The following DCUN1D2 variants were observed in gnomAD, a reference collection of about 807,000 sequenced individuals.
The protein encoded by DCUN1D2 is DCN1-like protein 2.
Under a neutral mutation model 30.9 loss-of-function variants are expected in DCUN1D2, and 29 were observed. That is an observed-to-expected ratio of 0.94 (90% CI 0.70 to 1.28). The LOEUF is 1.28. Ranked by LOEUF, DCUN1D2 falls within the 50% of genes most tolerant of loss-of-function variation. The pLI, the probability that DCUN1D2 is intolerant of heterozygous loss-of-function variation, is 0.00. For missense variants in DCUN1D2, 325 were observed against 316.9 expected, an observed-to-expected ratio of 1.03 and a Z score of -0.19; for synonymous variants, 121 against 115.3, an observed-to-expected ratio of 1.05 and a Z score of -0.32.
rs1362416188 is a variant in DCUN1D2 at position 113,490,177 on chromosome 13, C to G, written c.3+490G>C. On this transcript the variant is annotated intron_variant, in intron 1 of 6. Coordinates refer to ENST00000478244, the MANE Select transcript of DCUN1D2 (RefSeq NM_001014283.2). The surrounding 1 kb of genome is among the most constrained non-coding windows in gnomAD (Gnocchi z 5.2). ...CCGGCTAGAGCCCGCGCTAGGGCCC[C>G]GCTGTGCCTCTCCCTCCCCTCCCGG... Among the ~76,000 whole-genome samples, 1 of 152,234 alleles carries G rather than the reference C, an allele frequency of 6.6e-6. No individual in the cohort carries two copies. Among genetic ancestry groups the G allele is most frequent in the Non-Finnish European group, 1.5e-5 (1 of 68,038 alleles).
At chr13:113,458,653 G>A (rs545349083) in intron 6 of DCUN1D2, among the ~76,000 whole-genome samples, 12 of 152,356 alleles carry the variant, frequency 7.9e-5, no homozygotes, top group South Asian at 6.2e-4. Flanking sequence ...CCCTGATCTA[G>A]GGACGGTGCA....
At chr13:113,468,027 G>C (rs1206862399) in intron 4 of DCUN1D2, among the ~76,000 whole-genome samples, 2 of 132,572 alleles carry the variant, frequency 1.5e-5, no homozygotes, top group African/African-American at 5.9e-5. Flanking sequence ...CTGGGCGACA[G>C]AGCGAGGATC....
At position 113,474,674 on chromosome 13, in the gene DCUN1D2, G is replaced by C. The variant is rs77800833; in HGVS notation, c.390-420C>G. 5.5e-3 allele frequency among the ~76,000 whole-genome samples: 842 copies of C among 152,334 alleles called. 34 individuals carry two copies. In the East Asian group the frequency reaches 0.12, roughly 21 times the overall value. On this transcript the variant is annotated intron_variant, in intron 3 of 6. Coordinates refer to ENST00000478244, the MANE Select transcript of DCUN1D2 (RefSeq NM_001014283.2). ...AACTTGGTAGCTTTGACCACGGAGA[G>C]AGGACCCTGCCCTGCGGTGACAGGG...
chr13:113,467,336 T>C (rs188751607), intron 4 of DCUN1D2, among the ~76,000 whole-genome samples: 170 of 152,316 alleles, frequency 1.1e-3, no homozygotes, highest in Non-Finnish European at 2.1e-3. Context: ...AATACTTGCA[T>C]GTAATTGCTA....
At chr13:113,473,167 G>A (rs745900769) in intron 4 of DCUN1D2, among the ~76,000 whole-genome samples, 28 of 143,192 alleles carry the variant, frequency 2.0e-4, no homozygotes, top group Non-Finnish European at 3.8e-4. Flanking sequence ...TCTGTCCCCC[G>A]TCTCTCTATC....
chr13:113,464,390 T>G (rs925816757), intron 4 of DCUN1D2, among the ~76,000 whole-genome samples: 4 of 152,218 alleles, frequency 2.6e-5, no homozygotes, highest in Non-Finnish European at 4.4e-5. Context: ...AGGCTGAACA[T>G]GGTAGGTCCT....
intron 4 of DCUN1D2, among the ~76,000 whole-genome samples, chr13:113,463,693 A>G (rs2044355071): frequency 6.6e-6 from 1 of 152,184 alleles, no homozygotes; most frequent in Non-Finnish European, 1.5e-5. Context: ...ATCATCTTAC[A>G]TAAAAACAAT....
intron 4 of DCUN1D2, among the ~76,000 whole-genome samples, chr13:113,473,612 AC>A (rs567778359): frequency 1.0e-3 from 153 of 152,306 alleles, no homozygotes; most frequent in African/African-American, 3.6e-3. Flanking sequence ...AAGTTGAGAG[AC>A]GCTATCAACT....
intron 1 of DCUN1D2, among the ~76,000 whole-genome samples, chr13:113,489,536 C>G (rs2044883508): frequency 6.6e-6 from 1 of 152,140 alleles, no homozygotes; most frequent in Non-Finnish European, 1.5e-5. Context: ...CTGGTTTCTC[C>G]TACCAGCCCC....
chr13:113,474,059 T>C (rs2044569111), intron 4 of DCUN1D2, 65 bp downstream of exon 4: 10 of 1,563,802 alleles, frequency 6.4e-6, no homozygotes, highest in Non-Finnish European at 8.7e-6. Context: ...AAAAATCATG[T>C]TGCTCACGTC....
At chr13:113,459,890 C>G (rs1380856843) in intron 5 of DCUN1D2, among the ~76,000 whole-genome samples, 1 of 152,208 alleles carries the variant, frequency 6.6e-6, no homozygotes, top group African/African-American at 2.4e-5. Context: ...AGCCGTGCTC[C>G]ATCGCACCAA....
chr13:113,466,801 ATTTTTTTTTT>A (rs112063279), intron 4 of DCUN1D2, among the ~76,000 whole-genome samples: 6 of 109,798 alleles, frequency 5.5e-5, no homozygotes, highest in Non-Finnish European at 7.4e-5. Context: ...TGTCCTTTGG[ATTTTTTTTTT>A]TTTTTTTTTT....
At chr13:113,485,326 A>T (rs894479129) in intron 1 of DCUN1D2, among the ~76,000 whole-genome samples, 1 of 152,162 alleles carries the variant, frequency 6.6e-6, no homozygotes, top group Non-Finnish European at 1.5e-5. Context: ...TTATAACATA[A>T]CTTAACAAAA....
Position 113,456,185 on chromosome 13 carries a change from C to T in DCUN1D2, c.*1844G>A. ...GAAGACTTCTAAAGGTAGACAGGCCCAGTTTCCCATTAGAGTTCTGGAAGC... is the reference window on the plus strand; with the variant it reads ...GAAGACTTCTAAAGGTAGACAGGCCTAGTTTCCCATTAGAGTTCTGGAAGC... On this transcript the variant is annotated 3_prime_UTR_variant, in exon 7 of 7. Coordinates refer to ENST00000478244, the MANE Select transcript of DCUN1D2 (RefSeq NM_001014283.2). The T allele has an allele frequency of 2.5e-6, 1 of 398,618 alleles. No individual in the cohort carries two copies. Among genetic ancestry groups the T allele is most frequent in the Non-Finnish European group, 4.4e-6 (1 of 226,068 alleles). 24.7% of individuals were successfully genotyped at this position (398,618 alleles called of 1,614,324 possible). A position where few individuals can be genotyped will look rare whatever the true frequency, so the allele number is the denominator to read the frequency against.
rs948976922 is a variant in DCUN1D2, at chr13:113,456,098, C to G, written c.*1931G>C. 6.6e-5 allele frequency: 26 copies of G among 391,956 alleles called. No individual in the cohort carries two copies. The highest frequency in any genetic ancestry group is 1.1e-4 in the Non-Finnish European group (25 of 225,804). The allele number at this position is 391,956 out of a possible 1,614,324, so 24.3% of individuals were successfully genotyped here. On this transcript the variant is annotated 3_prime_UTR_variant, in exon 7 of 7. Coordinates refer to ENST00000478244, the MANE Select transcript of DCUN1D2 (RefSeq NM_001014283.2). ...CCATGAAGCCTGGAAGATACGCTCA[C>G]GTTTTTGAGGTTTGTATTAATGCCA...
At chr13:113,470,723 A>C (rs999789879) in intron 4 of DCUN1D2, among the ~76,000 whole-genome samples, 4 of 148,070 alleles carry the variant, frequency 2.7e-5, no homozygotes, top group African/African-American at 1.0e-4. Flanking sequence ...AGAATACCCA[A>C]CTCCACAAGG....
At position 113,488,852 on chromosome 13, in the gene DCUN1D2, T is replaced by C. The variant is rs1260839945; in HGVS notation, c.3+1815A>G. Among the ~76,000 whole-genome samples, 1 of 152,140 alleles carries C rather than the reference T, an allele frequency of 6.6e-6. No individual in the cohort carries two copies. Among genetic ancestry groups the C allele is most frequent in the Non-Finnish European group, 1.5e-5 (1 of 68,008 alleles). ...AAGGCCAGCTTTTAAAGTGTGTACATGGGGTGGGGGGAAGGCATTTTCTAG... is the reference window on the plus strand; with the variant it reads ...AAGGCCAGCTTTTAAAGTGTGTACACGGGGTGGGGGGAAGGCATTTTCTAG... On this transcript the variant is annotated intron_variant, in intron 1 of 6. Coordinates refer to ENST00000478244, the MANE Select transcript of DCUN1D2 (RefSeq NM_001014283.2). The surrounding 1 kb of genome is among the most constrained non-coding windows in gnomAD (Gnocchi z 4.3).
chr13:113,464,600 T>G (rs966651233), intron 4 of DCUN1D2, among the ~76,000 whole-genome samples: 3 of 152,262 alleles, frequency 2.0e-5, no homozygotes, highest in Non-Finnish European at 4.4e-5. Flanking sequence ...GACGGGGCAG[T>G]TGGACGTTGC....
chr13:113,464,157 T>C (rs2044364676), intron 4 of DCUN1D2, among the ~76,000 whole-genome samples: 1 of 152,246 alleles, frequency 6.6e-6, no homozygotes, highest in Admixed American at 6.5e-5. Context: ...TAATAAAATT[T>C]CATATTCTCT....
Sources: allele counts gnomAD v4.1 joint callset (sites outside exome capture counted in the v4.1 genomes callset), GRCh38; gene constraint gnomAD v4.1.1; non-coding constraint Gnocchi (gnomAD v3.1); transcripts MANE v1.5; gene names NCBI Gene and HGNC (gene_info 2026-07-23, HGNC 2026-07-21).